RBPJ: variants seen among roughly 807,000 people sequenced by gnomAD.
RBPJ encodes recombining binding protein suppressor of hairless.
In RBPJ, 9 loss-of-function variants were observed where a neutral mutation model predicts 67.8. The ratio of observed to expected loss-of-function variants is 0.13; its 90% CI spans 0.08 to 0.23. RBPJ has a LOEUF of 0.23. Ranked by LOEUF, RBPJ falls within the 10% of genes least tolerant of loss-of-function variation. The pLI is 1.00. For synonymous variants in RBPJ, 198 were observed against 203.3 expected, an observed-to-expected ratio of 0.97 and a Z score of 0.22; for missense variants, 305 against 595.6, an observed-to-expected ratio of 0.51 and a Z score of 5.08.
rs896917670 is a variant in RBPJ, at chr4:26,264,732, A to C, written c.-166-97714A>C. On this transcript the variant is annotated intron_variant, in intron 1 of 4. Coordinates refer to the RBPJ transcript ENST00000512351. This position sits in a 1 kb window ranked among gnomAD's most constrained non-coding sequence, Gnocchi z 4.1. ...TGCTTTGAGTCTCAGCTTAGTTGTC[A>C]CTTTCTTGGCCCCTCAAGATGACGT... Among the ~76,000 whole-genome samples the C allele has an allele frequency of 2.0e-4, 30 of 152,172 alleles. No homozygotes were observed. The highest frequency in any genetic ancestry group is 1.8e-4 in the Non-Finnish European group (12 of 68,030).
At chr4:26,410,065 A>G (rs1421100452) in intron 3 of RBPJ, 1 of 454,992 alleles carries the variant, frequency 2.2e-6, no homozygotes, top group Non-Finnish European at 4.4e-6. Flanking sequence ...AGGACTGCTA[A>G]TGCTAATCTA....
At chr4:26,375,288 CAAAAAAA>C (rs561305108) in intron 1 of RBPJ, among the ~76,000 whole-genome samples, 3 of 102,916 alleles carry the variant, frequency 2.9e-5, no homozygotes, top group Admixed American at 9.7e-5. Flanking sequence ...GACCCTGTCT[CAAAAAAA>C]AAAAAAAAAA....
Position 26,272,411 on chromosome 4 carries a change from T to A in RBPJ, c.-166-90035T>A, listed in dbSNP as rs28608524. On this transcript the variant is annotated intron_variant, in intron 1 of 4. Coordinates refer to the RBPJ transcript ENST00000512351. ...TGAGACTCCATCTGTACAAAAAAAATTTTTTTTTAATTAGTCAGGTGTGGT... is the reference window on the plus strand; with the variant it reads ...TGAGACTCCATCTGTACAAAAAAAAATTTTTTTTAATTAGTCAGGTGTGGT... Among the ~76,000 whole-genome samples the A allele has an allele frequency of 1.0e-3, 155 of 151,396 alleles. 1 individual carries two copies. Among genetic ancestry groups the A allele is most frequent in the African/African-American group, 3.4e-3 (141 of 41,292 alleles).
At chr4:26,349,602 T>C (rs1047725808) in intron 1 of RBPJ, among the ~76,000 whole-genome samples, 2 of 152,242 alleles carry the variant, frequency 1.3e-5, no homozygotes, top group Non-Finnish European at 2.9e-5. Context: ...GGTAGCATAC[T>C]ACAGGCAGCT....
At chr4:26,309,322 G>A (rs746603821) in intron 1 of RBPJ, among the ~76,000 whole-genome samples, 8 of 152,070 alleles carry the variant, frequency 5.3e-5, no homozygotes, top group Non-Finnish European at 1.0e-4. Context: ...CTGTGCCACC[G>A]TGTCCTGCGA....
chr4:26,397,946 A>G (rs1001121585), intron 2 of RBPJ, among the ~76,000 whole-genome samples: 14 of 152,072 alleles, frequency 9.2e-5, no homozygotes, highest in African/African-American at 2.4e-4. Flanking sequence ...TAACTCTTTG[A>G]AAATGTAAAA....
At chr4:26,308,163 C>T (rs902718704) in intron 1 of RBPJ, among the ~76,000 whole-genome samples, 1 of 152,120 alleles carries the variant, frequency 6.6e-6, no homozygotes, top group Non-Finnish European at 1.5e-5. Context: ...GTAGTCCCAG[C>T]TAGTCGGGAG....
At chr4:26,351,480 A>C (rs1726797816) in intron 1 of RBPJ, among the ~76,000 whole-genome samples, 1 of 152,184 alleles carries the variant, frequency 6.6e-6, no homozygotes, top group African/African-American at 2.4e-5. Flanking sequence ...TTGCAGGCTC[A>C]GGCAATCCTC....
At chr4:26,255,452 A>T (rs1214062281) in intron 1 of RBPJ, among the ~76,000 whole-genome samples, 1 of 149,530 alleles carries the variant, frequency 6.7e-6, no homozygotes, top group African/African-American at 2.5e-5. Context: ...ACCCCTGCAC[A>T]TAGATGTTTT....
chr4:26,409,656 C>T (rs1326922228), intron 3 of RBPJ, among the ~76,000 whole-genome samples: 3 of 152,144 alleles, frequency 2.0e-5, no homozygotes, highest in Non-Finnish European at 4.4e-5. Context: ...CCCACCACCA[C>T]GCACAGCTAA....
rs201485836 is a variant in RBPJ at position 26,264,139 on chromosome 4, T to TC, written c.-166-98304dup. Among the ~76,000 whole-genome samples, 578 of 152,080 alleles carry TC rather than the reference T, an allele frequency of 3.8e-3. 7 individuals are homozygous for TC. The highest frequency in any genetic ancestry group is 0.013 in the African/African-American group (558 of 41,488). On this transcript the variant is annotated intron_variant, in intron 1 of 4. Transcript: ENST00000512351. The surrounding 1 kb of genome is among the most constrained non-coding windows in gnomAD (Gnocchi z 4.1). ...CTCAGGTGATCCACCCAACTCAACC[T>TC]CCCAAAGTGCTGGGATTACAGGCGT...
intron 1 of RBPJ, among the ~76,000 whole-genome samples, chr4:26,341,888 G>C (rs2109401174): frequency 6.6e-6 from 1 of 152,246 alleles, no homozygotes; most frequent in South Asian, 2.1e-4. Flanking sequence ...TCAGTAGAAA[G>C]GTAAAAATTG....
At chr4:26,403,301 T>A (rs1733044404) in intron 2 of RBPJ, among the ~76,000 whole-genome samples, 1 of 152,136 alleles carries the variant, frequency 6.6e-6, no homozygotes, top group African/African-American at 2.4e-5. Context: ...TACCACTTTT[T>A]TTATACTTAA....
chr4:26,391,753 A>T (rs1036787456), intron 2 of RBPJ, among the ~76,000 whole-genome samples: 2 of 152,234 alleles, frequency 1.3e-5, no homozygotes, highest in Non-Finnish European at 2.9e-5. Flanking sequence ...ATACTAATCC[A>T]AAGAATGTGT....
At chr4:26,116,326 G>A in the RBPJ span, among the ~76,000 whole-genome samples, 1 of 152,220 alleles carries the variant, frequency 6.6e-6, no homozygotes, top group Non-Finnish European at 1.5e-5. Context: ...TATATGGAAT[G>A]CCCGGTATGC....
intron 1 of RBPJ, among the ~76,000 whole-genome samples, chr4:26,308,656 C>T (rs757805071): frequency 6.6e-6 from 1 of 152,200 alleles, no homozygotes; most frequent in Non-Finnish European, 1.5e-5. Context: ...TGATATACTA[C>T]TATTTGTCAG....
the RBPJ span, among the ~76,000 whole-genome samples, chr4:26,127,464 G>T: frequency 6.6e-6 from 1 of 152,096 alleles, no homozygotes; most frequent in African/African-American, 2.4e-5. Flanking sequence ...AGTTTGACAG[G>T]GTCTGTGGGC....
intron 1 of RBPJ, among the ~76,000 whole-genome samples, chr4:26,219,802 G>C (rs1718840328): frequency 1.3e-5 from 2 of 151,950 alleles, no homozygotes; most frequent in Non-Finnish European, 2.9e-5. Context: ...TTGAGACGGA[G>C]TCTCACTCTG....
the RBPJ span, among the ~76,000 whole-genome samples, chr4:26,120,252 A>T: frequency 9.2e-5 from 14 of 152,344 alleles, no homozygotes; most frequent in Admixed American, 5.2e-4. Context: ...TGAGACCTGG[A>T]ATCATGTAAT....
Sources: allele counts gnomAD v4.1 joint callset (sites outside exome capture counted in the v4.1 genomes callset), GRCh38; gene constraint gnomAD v4.1.1; non-coding constraint Gnocchi (gnomAD v3.1); transcripts MANE v1.5; gene names NCBI Gene and HGNC (gene_info 2026-07-23, HGNC 2026-07-21).